The following DDX31 variants were observed in gnomAD, a reference collection of about 807,000 sequenced individuals.
DDX31 encodes the protein ATP-dependent DNA helicase DDX31.
A neutral mutation model predicts 91.3 loss-of-function variants in DDX31; 70 were observed. The observed-to-expected ratio is 0.77, with a 90% CI of 0.63 to 0.94. The LOEUF (loss-of-function observed/expected upper bound fraction) is 0.94. Ranked by LOEUF, DDX31 falls within the 40% of genes least tolerant of loss-of-function variation. DDX31 has a pLI of 0.00. For synonymous variants in DDX31, 362 were observed against 350.6 expected, an observed-to-expected ratio of 1.03 and a Z score of -0.36; for missense variants, 902 against 925.0, an observed-to-expected ratio of 0.98 and a Z score of 0.32.
intron 7 of DDX31, among the ~76,000 whole-genome samples, chr9:132,651,891 A>G (rs1363638142): frequency 3.9e-5 from 6 of 152,212 alleles, no homozygotes; most frequent in Non-Finnish European, 1.5e-5. Flanking sequence ...TGAAAAGCTG[A>G]CTTCAAATCA....
At position 132,663,479 on chromosome 9, in the gene DDX31, G is replaced by A. The variant is rs1395295156; in HGVS notation, c.76-784C>T. 6.1e-6 allele frequency: 6 copies of A among 985,260 alleles called. No homozygotes were observed. The East Asian group carries it at 6.8e-4, about 112-fold the overall frequency. 61.0% of individuals were successfully genotyped at this position (985,260 alleles called of 1,614,324 possible). ...CCTGTTGCTTCTTATTTCCATTACA[G>A]GAATGTGCTTAAATGCATGATGTCC... is the stretch of plus-strand genomic sequence containing the variant. On this transcript the variant is annotated intron_variant, in intron 1 of 19. Transcript: ENST00000372159.
chr9:132,625,179 TTTC>T (rs1237744087), intron 17 of DDX31, among the ~76,000 whole-genome samples: 2 of 152,102 alleles, frequency 1.3e-5, no homozygotes, highest in African/African-American at 4.8e-5. Context: ...AATAAAAATT[TTTC>T]TTCTTAATGA....
At chr9:132,655,050 G>A (rs1322399570) in intron 6 of DDX31, among the ~76,000 whole-genome samples, 1 of 151,992 alleles carries the variant, frequency 6.6e-6, no homozygotes, top group Non-Finnish European at 1.5e-5. Context: ...GTGCACACTG[G>A]CATATTCCCT....
At chr9:132,654,989 T>A (rs1276552685) in intron 6 of DDX31, among the ~76,000 whole-genome samples, 1 of 149,426 alleles carries the variant, frequency 6.7e-6, no homozygotes, top group Non-Finnish European at 1.5e-5. Context: ...ATAAAGCAGC[T>A]GAGAGCATTG....
At chr9:132,648,591 C>T in intron 9 of DDX31, 40 bp from the exon 10 acceptor site, 1 of 1,585,630 alleles carries the variant, frequency 6.3e-7, no homozygotes, top group Non-Finnish European at 8.6e-7. Flanking sequence ...GTAAATCAAA[C>T]AGGGCCACGC....
At chr9:132,612,278 G>A in intron 18 of DDX31, 23 bp from the exon 19 acceptor site, 1 of 1,613,902 alleles carries the variant, frequency 6.2e-7, no homozygotes, top group Non-Finnish European at 8.5e-7. Context: ...AGAGCGGGGA[G>A]GGAAGCTGTC....
chr9:132,636,368 T>C (rs1258104412), intron 14 of DDX31, among the ~76,000 whole-genome samples: 1 of 152,250 alleles, frequency 6.6e-6, no homozygotes, highest in Non-Finnish European at 1.5e-5. Flanking sequence ...TGCAAAGCTC[T>C]TGTGAAGAAC....
chr9:132,621,020 A>AT (rs1175015986), intron 17 of DDX31, among the ~76,000 whole-genome samples: 1 of 152,234 alleles, frequency 6.6e-6, no homozygotes, highest in African/African-American at 2.4e-5. Context: ...CTCTGAACTT[A>AT]TTTTAAGATC....
intron 19 of DDX31, among the ~76,000 whole-genome samples, chr9:132,601,910 A>G (rs1259375812): frequency 2.0e-5 from 3 of 152,250 alleles, no homozygotes; most frequent in Admixed American, 6.5e-5. Context: ...CACTCTATTC[A>G]GCACACAGCC....
intron 17 of DDX31, 150 bp from the exon 18 acceptor site, chr9:132,618,591 G>A: frequency 1.7e-6 from 1 of 575,702 alleles, no homozygotes; most frequent in East Asian, 3.3e-5. Flanking sequence ...GGAAAAAAGG[G>A]AGCTATAGAG....
intron 17 of DDX31, among the ~76,000 whole-genome samples, chr9:132,624,493 G>C (rs943283604): frequency 7.9e-5 from 12 of 152,090 alleles, no homozygotes; most frequent in Non-Finnish European, 1.6e-4. Flanking sequence ...CAATTATCTT[G>C]GTTTAGTTAA....
In DDX31 at chr9:132,647,061, T is replaced by G; in HGVS notation, c.968-3A>C. The stretch of plus-strand genomic sequence containing the variant: ...GATATCAGCTAGCCGCGTTACACCT[T>G]GGATAAAAGTAAGAAGGGCAAAGCA... On this transcript the variant is annotated splice_polypyrimidine_tract_variant and splice_region_variant and intron_variant, in intron 11 of 19. Coordinates refer to ENST00000372159, the MANE Select transcript of DDX31 (RefSeq NM_022779.9). 6.3e-7 allele frequency: 1 copy of G among 1,598,178 alleles called. No homozygotes were observed. Among genetic ancestry groups the G allele is most frequent in the African/African-American group, 1.4e-5 (1 of 71,784 alleles).
In DDX31 at chr9:132,648,306, A is replaced by T. The variant is rs762442648; in HGVS notation, c.861-11T>A. ...CCCAAATCCAAGATTCTGTGATTGT[A>T]AAAAAAAAAAGAAATTTTCAACTAT... On this transcript the variant is annotated splice_polypyrimidine_tract_variant and intron_variant, in intron 10 of 19. Transcript: ENST00000372159. The T allele has an allele frequency of 1.9e-5, 10 of 521,052 alleles. No individual in the cohort carries two copies. The East Asian group carries it at 5.7e-4, about 30-fold the overall frequency. 32.3% of individuals were successfully genotyped at this position (521,052 alleles called of 1,614,324 possible).
Position 132,662,608 on chromosome 9 carries a change from T to C in DDX31, c.163A>G (p.Lys55Glu). The change falls in exon 2 of 20, where the codon AAG becomes GAG. Residue 55 changes from lysine to glutamate, a missense_variant. Lys to Glu is a moderately conservative substitution (Grantham distance 56). Transcript: ENST00000372159. Reference sequence around the variant, plus strand: ...TGAGTTTCTTTAACACTAGTTTTCTTGGCTGGGAGAAATGAAGTTTCGTTC... The same window carrying C: ...TGAGTTTCTTTAACACTAGTTTTCTCGGCTGGGAGAAATGAAGTTTCGTTC... Reference protein sequence around the residue: ...RRNETSFLPAKKTSVKETQRT... With the variant: ...RRNETSFLPAEKTSVKETQRT... The C allele has an allele frequency of 6.2e-7, 1 of 1,614,264 alleles. No individual in the cohort carries two copies. Among genetic ancestry groups the C allele is most frequent in the Non-Finnish European group, 8.5e-7 (1 of 1,180,042 alleles).
At chr9:132,668,945 G>A (rs1402497880) in intron 1 of DDX31, among the ~76,000 whole-genome samples, 1 of 152,196 alleles carries the variant, frequency 6.6e-6, no homozygotes, top group Non-Finnish European at 1.5e-5. Context: ...TGTCCAGAAA[G>A]GTGGGACAAC....
At chr9:132,645,580 G>A (rs1033503691) in intron 13 of DDX31, among the ~76,000 whole-genome samples, 1 of 152,146 alleles carries the variant, frequency 6.6e-6, no homozygotes, top group Non-Finnish European at 1.5e-5. Flanking sequence ...GTGGTACTCT[G>A]TTGCCTTAAC....
In DDX31 at chr9:132,659,769, T is replaced by G; in HGVS notation, c.464A>C (p.Gln155Pro). The G allele has an allele frequency of 2.5e-6, 4 of 1,613,304 alleles. No individual in the cohort carries two copies. Among genetic ancestry groups the G allele is most frequent in the Non-Finnish European group, 3.4e-6 (4 of 1,179,632 alleles). ...GCCTTCCAGCAACACAGGAATACTT[T>G]GCTTCTGAACACTGGGCCACCCGAA... Reference protein sequence around the residue: ...KMSSMTSVQKQSIPVLLEGRD... With the variant: ...KMSSMTSVQKPSIPVLLEGRD... The change falls in exon 5 of 20, where the codon CAA becomes CCA. Residue 155 changes from glutamine to proline, a missense_variant. Coordinates refer to ENST00000372159, the MANE Select transcript of DDX31 (RefSeq NM_022779.9).
rs1835027198 is a variant in DDX31, at chr9:132,662,423, C to T, written c.332+16G>A. On this transcript the variant is annotated intron_variant, in intron 2 of 19. Coordinates refer to ENST00000372159, the MANE Select transcript of DDX31 (RefSeq NM_022779.9). ...ACATTTTTTTCTTCCTGAAGGGCAT[C>T]CGCCCCTGGACATACCTGTGGAGTT... 2 of 1,613,700 alleles carry T rather than the reference C, an allele frequency of 1.2e-6. No individual in the cohort carries two copies. Among genetic ancestry groups the T allele is most frequent in the African/African-American group, 2.7e-5 (2 of 74,862 alleles).
intron 5 of DDX31, 125 bp from the exon 6 acceptor site, chr9:132,658,860 C>G (rs1834753868): frequency 1.2e-6 from 1 of 816,622 alleles, no homozygotes; most frequent in Non-Finnish European, 1.9e-6. Context: ...GAAAGGGAAA[C>G]TGCCCATTAT....
Sources: allele counts gnomAD v4.1 joint callset (sites outside exome capture counted in the v4.1 genomes callset), GRCh38; gene constraint gnomAD v4.1.1; transcripts MANE v1.5; gene names NCBI Gene and HGNC (gene_info 2026-07-23, HGNC 2026-07-21).